The following IQSEC2 variants were observed in gnomAD, a reference collection of about 807,000 sequenced individuals.
IQSEC2 encodes IQ motif and Sec7 domain ArfGEF 2, also known as IQ motif and SEC7 domain-containing protein 2.
In IQSEC2, 6 loss-of-function variants were observed where a neutral mutation model predicts 74.6. That is an observed-to-expected ratio of 0.08 (90% CI 0.04 to 0.16). The LOEUF (loss-of-function observed/expected upper bound fraction) is 0.16. IQSEC2 is among the 10% of genes least tolerant of loss of function. IQSEC2 has a pLI of 1.00. For synonymous variants in IQSEC2, 494 were observed against 544.5 expected (o/e 0.91, Z 1.29); for missense variants, 734 against 1,306.2 (o/e 0.56, Z 6.75).
chrX:53,254,454 G>A, intron 4 of IQSEC2, 76 bp downstream of exon 4: 2 of 1,010,674 alleles, frequency 2.0e-6, no homozygotes, highest in Non-Finnish European at 2.7e-6. Flanking sequence ...CTTTCAGTTT[G>A]CAATCTAGGT....
At chrX:53,266,969 C>T in intron 2 of IQSEC2, 1 of 1,153,768 alleles carries the variant, frequency 8.7e-7, no homozygotes, top group Non-Finnish European at 1.1e-6. Context: ...TCTCAGTTAC[C>T]GAGAGGAGGG....
chrX:53,234,721 A>G lies in IQSEC2; in HGVS notation c.3965T>C (p.Phe1322Ser). 8.9e-7 allele frequency: 1 copy of G among 1,129,345 alleles called. No individual in the cohort carries two copies. Among genetic ancestry groups the G allele is most frequent in the Non-Finnish European group, 1.2e-6 (1 of 854,364 alleles). The allele number at this position is 1,129,345 out of a possible 1,213,427, so 93.1% of individuals were successfully genotyped here. ...CCCTGGGACTGGGCCATGGGCGTGG[A>G]AGTGGCGATGTGGCCCCACAGGTGG... ...SAPPVGPHRH[F>S]HAHGPVPGPQ... Residue 1322 changes from phenylalanine (F) to serine (S), a missense_variant, in exon 15 of 15, where the codon TTC (phenylalanine) becomes TCC (serine). This residue lies in a region of IQSEC2 where 249 missense variants were observed against 467.9 expected (regional missense o/e 0.53). Coordinates refer to ENST00000642864, the MANE Select transcript of IQSEC2 (RefSeq NM_001111125.3).
intron 1 of IQSEC2, among the ~76,000 whole-genome samples, chrX:53,315,676 C>A (rs5978125): frequency 0.015 from 1,707 of 112,205 alleles, 12 homozygotes; most frequent in Non-Finnish European, 0.024. Flanking sequence ...GCGCTTAGAA[C>A]AAATAGTGCT....
chrX:53,296,373 A>T (rs1190852949), intron 1 of IQSEC2, among the ~76,000 whole-genome samples: 3 of 111,039 alleles, frequency 2.7e-5, no homozygotes, highest in Non-Finnish European at 5.7e-5. Context: ...TTGAAGGGCA[A>T]CTATGAACGG....
At chrX:53,278,949 G>A (rs782781830) in intron 2 of IQSEC2, among the ~76,000 whole-genome samples, 7 of 112,180 alleles carry the variant, frequency 6.2e-5, no homozygotes, top group Non-Finnish European at 1.3e-4. Flanking sequence ...AGGCCAAGGC[G>A]GGCGGATCAC....
Position 53,321,219 on chromosome X carries a change from G to T in IQSEC2, c.-96C>A. 1 of 506,031 alleles carries T rather than the reference G, an allele frequency of 2.0e-6. No individual in the cohort carries two copies. Among genetic ancestry groups the T allele is most frequent in the Non-Finnish European group, 3.0e-6 (1 of 329,797 alleles). 41.7% of individuals were successfully genotyped at this position (506,031 alleles called of 1,213,427 possible). A position where few individuals can be genotyped will look rare whatever the true frequency, so the allele number is the denominator to read the frequency against. The stretch of plus-strand genomic sequence containing the variant: ...CCGGGCCCAGCCGGGGGAGGGGGCC[G>T]GCGGGACGCGAGGGCGCGCACCGGG... On this transcript the variant is annotated 5_prime_UTR_variant, in exon 1 of 15. Coordinates refer to ENST00000642864, the MANE Select transcript of IQSEC2 (RefSeq NM_001111125.3).
rs2147059598 is a variant in IQSEC2 at position 53,243,355 on chromosome X, G to A, written c.2866C>T (p.Arg956Cys). The A allele has an allele frequency of 8.6e-7, 1 of 1,166,630 alleles. No individual in the cohort carries two copies. Among genetic ancestry groups the A allele is most frequent in the Non-Finnish European group, 1.1e-6 (1 of 872,621 alleles). ...ACTGGTTTCTTTCCAACAATCATGC[G>A]CTCCACAGCCTGCACCTGGGACACA... ...DHVSQVQAVE[R>C]MIVGKKPVLS... Residue 956 changes from arginine to cysteine, a missense_variant, in exon 9 of 15, where the codon CGC (arginine) becomes TGC (cysteine). Transcript: ENST00000642864.
chrX:53,229,025 G>A (rs1465108300), downstream of IQSEC2: 1 of 112,649 alleles, frequency 8.9e-6, no homozygotes, highest in East Asian at 2.8e-4. Context: ...AAAAGGGAAA[G>A]TAGAATTCTA....
Position 53,289,639 on chromosome X carries a change from G to A in IQSEC2, c.737+2256C>T, listed in dbSNP as rs370451177. 4.7e-4 allele frequency among the ~76,000 whole-genome samples: 52 copies of A among 111,261 alleles called. 1 individual carries two copies. In the South Asian group the frequency reaches 0.019, roughly 41 times the overall value. ...ACAAGTAGGTCCCTACCCAGCCCTGGTTGCAAGTTCAAGTTGCCTTCCCAC... is the reference window on the plus strand; with the variant it reads ...ACAAGTAGGTCCCTACCCAGCCCTGATTGCAAGTTCAAGTTGCCTTCCCAC... On this transcript the variant is annotated intron_variant, in intron 2 of 14. Coordinates refer to ENST00000642864, the MANE Select transcript of IQSEC2 (RefSeq NM_001111125.3).
chrX:53,279,651 G>A lies in IQSEC2; in HGVS notation c.737+12244C>T, dbSNP rs782785527. 11 of 1,158,730 alleles carry A rather than the reference G, an allele frequency of 9.5e-6. 1 individual carries two copies. The highest frequency in any genetic ancestry group is 3.0e-5 in the East Asian group (1 of 33,475). On this transcript the variant is annotated intron_variant, in intron 2 of 14. Coordinates refer to ENST00000642864, the MANE Select transcript of IQSEC2 (RefSeq NM_001111125.3). ...GCAATACTGGTGTAGAGTATGAGAC[G>A]CTGTGGACCTGAGAGACAGCAAGAG...
rs782110817 is a variant in IQSEC2 at position 53,281,516 on chromosome X, C to G, written c.737+10379G>C. On this transcript the variant is annotated intron_variant, in intron 2 of 14. Coordinates refer to ENST00000642864, the MANE Select transcript of IQSEC2 (RefSeq NM_001111125.3). ...CCTACCTGCTGCTCCTCCCGGGGGGCTCCATGGGTCTGGACCTGTCCCAAG... is the reference window on the plus strand; with the variant it reads ...CCTACCTGCTGCTCCTCCCGGGGGGGTCCATGGGTCTGGACCTGTCCCAAG... 8 of 1,152,673 alleles carry G rather than the reference C, an allele frequency of 6.9e-6. No individual in the cohort carries two copies. The South Asian group carries it at 1.4e-4, about 19-fold the overall frequency. 95.0% of individuals were successfully genotyped at this position (1,152,673 alleles called of 1,213,427 possible). A position where few individuals can be genotyped will look rare whatever the true frequency, so the allele number is the denominator to read the frequency against.
At chrX:53,303,068 T>C (rs2075226711) in intron 1 of IQSEC2, among the ~76,000 whole-genome samples, 1 of 109,929 alleles carries the variant, frequency 9.1e-6, no homozygotes, top group Non-Finnish European at 1.9e-5. Context: ...CCAGGTGTGG[T>C]GGCCTATGCC....
At chrX:53,257,424 G>A (rs1263461396) in intron 2 of IQSEC2, among the ~76,000 whole-genome samples, 2 of 112,053 alleles carry the variant, frequency 1.8e-5, no homozygotes, top group Non-Finnish European at 3.8e-5. Context: ...CCCACCCATC[G>A]CTCGCTCTCC....
chrX:53,248,886 C>A lies in IQSEC2; in HGVS notation c.2298-4G>T. On this transcript the variant is annotated splice_polypyrimidine_tract_variant and splice_region_variant and intron_variant, in intron 5 of 14. Transcript: ENST00000642864. The stretch of plus-strand genomic sequence containing the variant: ...CTGGATACCCTTCTCTGGCTTCCTG[C>A]AGAAAGAGGAGAGGTAGATGAGATG... 3 of 1,206,395 alleles carry A rather than the reference C, an allele frequency of 2.5e-6. No homozygotes were observed. The highest frequency in any genetic ancestry group is 3.4e-6 in the Non-Finnish European group (3 of 892,493).
chrX:53,318,086 C>G (rs1310274520), intron 1 of IQSEC2, among the ~76,000 whole-genome samples: 2 of 111,597 alleles, frequency 1.8e-5, no homozygotes, highest in African/African-American at 6.5e-5. Context: ...AAATACCAGG[C>G]CTTGGAGACA....
intron 4 of IQSEC2, among the ~76,000 whole-genome samples, chrX:53,251,989 G>C (rs781989983): frequency 8.9e-6 from 1 of 112,731 alleles, no homozygotes; most frequent in Non-Finnish European, 1.9e-5. Context: ...GAGCCCAGGA[G>C]TTTGAGGCTG....
chrX:53,308,780 G>C (rs1280655426), intron 1 of IQSEC2, among the ~76,000 whole-genome samples: 1 of 110,223 alleles, frequency 9.1e-6, no homozygotes, highest in Non-Finnish European at 1.9e-5. Context: ...TAATAGAGGA[G>C]CCCACACAAT....
intron 4 of IQSEC2, 150 bp from the exon 5 acceptor site, chrX:53,251,324 C>A: frequency 1.8e-6 from 1 of 567,753 alleles, no homozygotes; most frequent in Non-Finnish European, 2.9e-6. Context: ...TTCCCCTCCC[C>A]CAGCCCTGAC....
At chrX:53,278,014 T>C (rs1469037850) in intron 2 of IQSEC2, among the ~76,000 whole-genome samples, 63 of 75,113 alleles carry the variant, frequency 8.4e-4, no homozygotes, top group Non-Finnish European at 1.4e-3. Flanking sequence ...TTTTTTTTTT[T>C]TTTTTTTTTT....
Sources: allele counts gnomAD v4.1 joint callset (sites outside exome capture counted in the v4.1 genomes callset), GRCh38; gene constraint gnomAD v4.1.1; regional missense constraint gnomAD v4.1.1; transcripts MANE v1.5; gene names NCBI Gene and HGNC (gene_info 2026-07-23, HGNC 2026-07-21).